The following OCLN variants were observed in gnomAD, a reference collection of about 807,000 sequenced individuals.
OCLN encodes the protein phosphatase 1, regulatory subunit 115.
In OCLN, 21 loss-of-function variants were observed where a neutral mutation model predicts 47.9. The observed-to-expected ratio is 0.44, with a 90% CI of 0.31 to 0.63. The LOEUF (loss-of-function observed/expected upper bound fraction) is 0.63, where lower values mean the gene tolerates loss of function less well. Ranked by LOEUF, OCLN falls within the 30% of genes least tolerant of loss-of-function variation. The probability of loss-of-function intolerance (pLI) is 0.08; values close to 1 mark genes in which losing one functional copy is unlikely to be tolerated. For missense variants in OCLN, 360 were observed against 571.0 expected (o/e 0.63, Z 3.77); for synonymous variants, 117 against 198.4 (o/e 0.59, Z 3.45).
intron 4 of OCLN, among the ~76,000 whole-genome samples, chr5:69,515,516 C>T (rs1191314540): frequency 2.4e-3 from 326 of 138,538 alleles, no homozygotes; most frequent in African/African-American, 8.4e-3. Flanking sequence ...CCGGACGGGG[C>T]GGCTGGCCGG....
intron 4 of OCLN, among the ~76,000 whole-genome samples, chr5:69,533,882 G>A (rs969227406): frequency 1.1e-4 from 16 of 152,216 alleles, no homozygotes; most frequent in African/African-American, 3.1e-4. Flanking sequence ...GGATGGTCTC[G>A]ATCTCCTGAC....
chr5:69,536,836 C>T (rs574551664), intron 5 of OCLN, among the ~76,000 whole-genome samples: 77 of 152,130 alleles, frequency 5.1e-4, no homozygotes, highest in African/African-American at 1.7e-3. Flanking sequence ...GGCATGGTGG[C>T]GGGTGCCTGT....
chr5:69,508,456 T>G (rs1768670678), intron 2 of OCLN, among the ~76,000 whole-genome samples: 1 of 152,170 alleles, frequency 6.6e-6, no homozygotes, highest in Admixed American at 6.5e-5. Context: ...TTCTCGTGCC[T>G]CAGCCTCCTG....
At chr5:69,497,908 G>A (rs1294000919) in intron 1 of OCLN, among the ~76,000 whole-genome samples, 2 of 151,950 alleles carry the variant, frequency 1.3e-5, no homozygotes, top group African/African-American at 2.4e-5. Flanking sequence ...CGAGGCGGGC[G>A]GATCACGAGG....
intron 4 of OCLN, among the ~76,000 whole-genome samples, chr5:69,529,059 A>G (rs35628909): frequency 0.2 from 30,404 of 152,194 alleles, 4,283 homozygotes; most frequent in African/African-American, 0.4. Context: ...TGGAGGAGAG[A>G]AGATTTTCTT....
At chr5:69,534,019 G>A (rs1305142143) in intron 4 of OCLN, among the ~76,000 whole-genome samples, 2 of 151,234 alleles carry the variant, frequency 1.3e-5, no homozygotes, top group African/African-American at 2.4e-5. Flanking sequence ...TTACACATCA[G>A]AATGAAATAA....
rs1048459751 is a variant in OCLN at position 69,554,995 on chromosome 5, G to A, written c.*1324G>A. The stretch of plus-strand genomic sequence containing the variant: ...CTCTCACCCAGGCTGGAATGCAGTG[G>A]TGCTATCTTGGCTCACTGCAACCTC... On this transcript the variant is annotated 3_prime_UTR_variant, in exon 9 of 9. Transcript: ENST00000396442. The A allele has an allele frequency of 1.3e-5, 2 of 150,570 alleles. No individual in the cohort carries two copies. The highest frequency in any genetic ancestry group is 4.9e-5 in the African/African-American group (2 of 40,958). The allele number at this position is 150,570 out of a possible 1,614,324, so 9.3% of individuals were successfully genotyped here.
chr5:69,521,844 T>C (rs1171441420), intron 4 of OCLN, among the ~76,000 whole-genome samples: 2 of 152,258 alleles, frequency 1.3e-5, no homozygotes, highest in South Asian at 2.1e-4. Context: ...GCTTATTTCC[T>C]ATTCTTCATC....
chr5:69,532,061 G>A (rs1182092150), intron 4 of OCLN, among the ~76,000 whole-genome samples: 2 of 151,906 alleles, frequency 1.3e-5, no homozygotes, highest in African/African-American at 4.8e-5. Flanking sequence ...GTGTTTAAAG[G>A]CACTGTAGTA....
At position 69,524,720 on chromosome 5, in the gene OCLN, T is replaced by A. The variant is rs567461757; in HGVS notation, c.892-9974T>A. ...ATTTATTTTTAAGATAGTGTCTTGC[T>A]CTGTTGCCTGGGCTGGAATGTAGTG... On this transcript the variant is annotated intron_variant, in intron 4 of 8. Transcript: ENST00000396442. Among the ~76,000 whole-genome samples, 50 of 152,358 alleles carry A rather than the reference T, an allele frequency of 3.3e-4. 1 individual carries two copies. Among genetic ancestry groups the A allele is most frequent in the South Asian group, 2.9e-3 (14 of 4,826 alleles).
intron 4 of OCLN, among the ~76,000 whole-genome samples, chr5:69,529,637 T>C (rs1263850047): frequency 6.6e-6 from 1 of 152,106 alleles, no homozygotes; most frequent in Non-Finnish European, 1.5e-5. Flanking sequence ...TGAGATGGAA[T>C]CTGTCACCCA....
At position 69,504,139 on chromosome 5, in the gene OCLN, C is replaced by G. The variant is rs1469023065; in HGVS notation, c.-68-38C>G. ...ATGAAGAAAAGAAAGAAACTGTGAG[C>G]TTAGTAGTAATGCCATAACTCTACT... On this transcript the variant is annotated intron_variant, in intron 1 of 8. Coordinates refer to ENST00000396442, the MANE Select transcript of OCLN (RefSeq NM_001205254.2). The G allele has an allele frequency of 6.2e-6, 5 of 801,462 alleles. No homozygotes were observed. The African/African-American group carries it at 8.4e-5, about 14-fold the overall frequency. 49.6% of individuals were successfully genotyped at this position (801,462 alleles called of 1,614,324 possible).
intron 4 of OCLN, among the ~76,000 whole-genome samples, chr5:69,525,791 T>C (rs1769263419): frequency 6.6e-6 from 1 of 152,176 alleles, no homozygotes; most frequent in Admixed American, 6.5e-5. Context: ...CAAAGTGCCT[T>C]CTCTCCTTTA....
intron 4 of OCLN, among the ~76,000 whole-genome samples, chr5:69,533,090 CACACACACACACACACACATATATATAT>C (rs1475452985): frequency 7.9e-6 from 1 of 125,996 alleles, no homozygotes; most frequent in Non-Finnish European, 1.6e-5. Flanking sequence ...TATATATATA[CACACACACACACACACACATATATATAT>C]ACACACACAC....
At chr5:69,537,006 A>G (rs1769607968) in intron 5 of OCLN, among the ~76,000 whole-genome samples, 1 of 143,054 alleles carries the variant, frequency 7.0e-6, no homozygotes, top group Non-Finnish European at 1.5e-5. Flanking sequence ...AAAAAACACA[A>G]TCACAAACCC....
chr5:69,526,871 G>C (rs78811453), intron 4 of OCLN, among the ~76,000 whole-genome samples: 2,370 of 152,312 alleles, frequency 0.016, 24 homozygotes, highest in Non-Finnish European at 0.024. Flanking sequence ...ATCCGTGAAT[G>C]GGGTCCTGAT....
intron 4 of OCLN, among the ~76,000 whole-genome samples, chr5:69,519,648 G>T (rs1447660977): frequency 6.6e-6 from 1 of 152,106 alleles, no homozygotes. Flanking sequence ...TCAAATTTCA[G>T]ATCTGATTTT....
chr5:69,494,065 A>G (rs910428994), intron 1 of OCLN, among the ~76,000 whole-genome samples: 4 of 152,174 alleles, frequency 2.6e-5, no homozygotes, highest in African/African-American at 9.6e-5. Context: ...GGAAAAGAGA[A>G]ACGTTTCCCA....
chr5:69,498,757 G>A (rs771139727), intron 1 of OCLN, among the ~76,000 whole-genome samples: 22 of 151,938 alleles, frequency 1.4e-4, no homozygotes, highest in Non-Finnish European at 2.9e-4. Flanking sequence ...TTGGCCCACT[G>A]CAAACTCTGC....
Sources: gnomAD v4.1 joint callset for allele counts (sites outside exome capture counted in the v4.1 genomes callset) on GRCh38, gnomAD v4.1.1 for gene constraint, MANE v1.5 for transcripts, NCBI Gene and HGNC (gene_info 2026-07-23, HGNC 2026-07-21) for gene names.